The following EPHA5 variants were observed in gnomAD, a reference collection of about 807,000 sequenced individuals.
The protein encoded by EPHA5 is EPH receptor A5.
Under a neutral mutation model 105.0 loss-of-function variants are expected in EPHA5, and 60 were observed. The observed-to-expected ratio is 0.57, with a 90% CI of 0.46 to 0.71. EPHA5 has a LOEUF of 0.71. Among genes scored for constraint, EPHA5 ranks in the 30% least tolerant of loss-of-function variants. EPHA5 has a pLI of 0.00. For missense variants in EPHA5, 1,218 were observed against 1,274.7 expected (o/e 0.96, Z 0.68); for synonymous variants, 513 against 449.1 (o/e 1.14, Z -1.80).
At chr4:65,508,854 C>A (rs559913245) in intron 3 of EPHA5, among the ~76,000 whole-genome samples, 51 of 152,050 alleles carry the variant, frequency 3.4e-4, no homozygotes, top group African/African-American at 1.2e-3. Context: ...GTGAGAAAGT[C>A]TTCTTGGAGT....
At chr4:65,449,034 T>C (rs1219699255) in intron 5 of EPHA5, among the ~76,000 whole-genome samples, 1 of 152,120 alleles carries the variant, frequency 6.6e-6, no homozygotes, top group Non-Finnish European at 1.5e-5. Context: ...GTTTTATACT[T>C]GTCAAAGTAA....
intron 5 of EPHA5, among the ~76,000 whole-genome samples, chr4:65,425,828 G>A (rs1251932447): frequency 2.0e-5 from 3 of 151,916 alleles, no homozygotes; most frequent in Non-Finnish European, 4.4e-5. Context: ...GTATTTTCCT[G>A]ACCCTTTAGT....
chr4:65,668,498 C>T (rs1750155852), intron 1 of EPHA5, among the ~76,000 whole-genome samples: 1 of 152,166 alleles, frequency 6.6e-6, no homozygotes, highest in African/African-American at 2.4e-5. Flanking sequence ...CCCGCCCCTC[C>T]GCGAGTAATG....
chr4:65,621,175 G>T (rs1745674788), intron 2 of EPHA5, among the ~76,000 whole-genome samples: 1 of 152,140 alleles, frequency 6.6e-6, no homozygotes, highest in Non-Finnish European at 1.5e-5. Flanking sequence ...ACTTAGCAAG[G>T]TTAAACAGAA....
At chr4:65,465,541 GGAAGGAAAGGAAGGAA>G (rs1728621662) in intron 5 of EPHA5, among the ~76,000 whole-genome samples, 26 of 67,188 alleles carry the variant, frequency 3.9e-4, no homozygotes, top group African/African-American at 1.6e-3. Context: ...AGAAAGGAAA[GGAAGGAAAGGAAGGAA>G]AGGAAGGAAA....
intron 3 of EPHA5, among the ~76,000 whole-genome samples, chr4:65,559,202 T>C: frequency 6.6e-6 from 1 of 152,322 alleles, no homozygotes; most frequent in Middle Eastern, 3.4e-3. Flanking sequence ...CTCCAACCAC[T>C]TTTTAAAATG....
intron 1 of EPHA5, among the ~76,000 whole-genome samples, chr4:65,656,267 A>G (rs1476493820): frequency 1.3e-5 from 2 of 151,716 alleles, no homozygotes; most frequent in Non-Finnish European, 1.5e-5. Context: ...TCCTTCAAAC[A>G]AAAACACCAC....
intron 5 of EPHA5, among the ~76,000 whole-genome samples, chr4:65,423,482 T>G (rs940622106): frequency 6.6e-6 from 1 of 152,048 alleles, no homozygotes; most frequent in African/African-American, 2.4e-5. Context: ...CATGGGAAAT[T>G]TGTCCATTTT....
rs1027368743 is a variant in EPHA5, at chr4:65,643,547, A to T, written c.182-120T>A. 2.2e-5 allele frequency: 16 copies of T among 726,676 alleles called. No individual in the cohort carries two copies. In the Admixed American group the frequency reaches 2.7e-4, roughly 12 times the overall value. The allele number at this position is 726,676 out of a possible 1,614,324, so 45.0% of individuals were successfully genotyped here. A position where few individuals can be genotyped will look rare whatever the true frequency, so the allele number is the denominator to read the frequency against. ...ACATAACTGAAATTAAGTGTTCATT[A>T]TGATGAATACAATGGGTATAATTTA... On this transcript the variant is annotated intron_variant, in intron 1 of 16. Coordinates refer to ENST00000613740, the MANE Select transcript of EPHA5 (RefSeq NM_001281766.3).
At chr4:65,339,354 C>T (rs777045902) in intron 14 of EPHA5, among the ~76,000 whole-genome samples, 1 of 152,062 alleles carries the variant, frequency 6.6e-6, no homozygotes, top group Non-Finnish European at 1.5e-5. Flanking sequence ...TAGTATATCA[C>T]CCATCCAGAG....
At chr4:65,357,988 T>C (rs1337698957) in intron 11 of EPHA5, among the ~76,000 whole-genome samples, 2 of 151,408 alleles carry the variant, frequency 1.3e-5, no homozygotes, top group Non-Finnish European at 3.0e-5. Context: ...GTGAAACAAA[T>C]TTGGGGAATG....
At chr4:65,479,572 G>C (rs1433423712) in intron 5 of EPHA5, among the ~76,000 whole-genome samples, 1 of 152,112 alleles carries the variant, frequency 6.6e-6, no homozygotes, top group African/African-American at 2.4e-5. Context: ...TCTCATATTT[G>C]AGAAAACAAT....
intron 6 of EPHA5, among the ~76,000 whole-genome samples, chr4:65,420,202 C>G (rs1382442433): frequency 6.6e-6 from 1 of 152,068 alleles, no homozygotes; most frequent in African/African-American, 2.4e-5. Context: ...CTGTGCAACT[C>G]AGTTAAGCCA....
intron 2 of EPHA5, 111 bp from the exon 3 acceptor site, chr4:65,602,415 C>T (rs1743829445): frequency 1.3e-6 from 1 of 786,836 alleles, no homozygotes. Context: ...ATATTCGTAT[C>T]CTCAATATGT....
chr4:65,413,804 A>G (rs1241043401), intron 7 of EPHA5, among the ~76,000 whole-genome samples: 1 of 152,142 alleles, frequency 6.6e-6, no homozygotes, highest in Non-Finnish European at 1.5e-5. Context: ...ATATTCCCAG[A>G]TTCTCCACTT....
chr4:65,400,464 C>T (rs1161583313), intron 8 of EPHA5, among the ~76,000 whole-genome samples: 1 of 152,090 alleles, frequency 6.6e-6, no homozygotes, highest in East Asian at 1.9e-4. Flanking sequence ...AAAGGAAGAT[C>T]ACCCACATTC....
At chr4:65,429,994 T>C (rs1393374108) in intron 5 of EPHA5, among the ~76,000 whole-genome samples, 2 of 152,060 alleles carry the variant, frequency 1.3e-5, no homozygotes, top group Admixed American at 1.3e-4. Context: ...GATTAGTGAT[T>C]GCAGCTGGTC....
intron 8 of EPHA5, among the ~76,000 whole-genome samples, chr4:65,394,153 G>A (rs1720989971): frequency 6.6e-6 from 1 of 152,090 alleles, no homozygotes; most frequent in Admixed American, 6.6e-5. Flanking sequence ...GAAGGGAGGA[G>A]GATCTACTAA....
At chr4:65,558,592 T>A (rs566882253) in intron 3 of EPHA5, among the ~76,000 whole-genome samples, 1 of 152,224 alleles carries the variant, frequency 6.6e-6, no homozygotes, top group South Asian at 2.1e-4. Flanking sequence ...GTGCACAACG[T>A]GCAGGTTAGT....
Sources: gnomAD v4.1 joint callset for allele counts (sites outside exome capture counted in the v4.1 genomes callset) on GRCh38, gnomAD v4.1.1 for gene constraint, MANE v1.5 for transcripts, NCBI Gene and HGNC (gene_info 2026-07-23, HGNC 2026-07-21) for gene names.